The following PTBP2 variants were observed in gnomAD, a reference collection of about 807,000 sequenced individuals.
The protein encoded by PTBP2 is polypyrimidine tract binding protein 2.
Under a neutral mutation model 61.4 loss-of-function variants are expected in PTBP2, and 13 were observed. The observed-to-expected ratio is 0.21, with a 90% CI of 0.14 to 0.34. PTBP2 has a LOEUF of 0.34. PTBP2 is among the 10% of genes least tolerant of loss of function. The pLI is 1.00. For missense variants in PTBP2, 405 were observed against 642.6 expected (o/e 0.63, Z 4.00); for synonymous variants, 215 against 218.5 (o/e 0.98, Z 0.14).
At chr1:96,757,021 C>T (rs2100939912) in intron 3 of PTBP2, among the ~76,000 whole-genome samples, 1 of 152,246 alleles carries the variant, frequency 6.6e-6, no homozygotes, top group Middle Eastern at 3.4e-3. Context: ...CTATTTGGGG[C>T]AGGAGGCAGG....
chr1:96,759,942 G>A (rs567006630), intron 3 of PTBP2, among the ~76,000 whole-genome samples: 24 of 152,274 alleles, frequency 1.6e-4, no homozygotes, highest in Non-Finnish European at 3.2e-4. Context: ...CACATCTTAC[G>A]TAGATGGCAA....
chr1:96,796,635 T>C (rs887169344), intron 8 of PTBP2, among the ~76,000 whole-genome samples: 1 of 152,170 alleles, frequency 6.6e-6, no homozygotes, highest in Non-Finnish European at 1.5e-5. Flanking sequence ...TTCACTCTAG[T>C]ATTTGTCAAG....
intron 2 of PTBP2, among the ~76,000 whole-genome samples, chr1:96,746,512 A>G (rs1203473208): frequency 6.6e-6 from 1 of 151,796 alleles, no homozygotes; most frequent in Non-Finnish European, 1.5e-5. Flanking sequence ...GCTTGATAAA[A>G]TGTGAGCTTA....
intron 3 of PTBP2, among the ~76,000 whole-genome samples, chr1:96,766,415 A>T (rs1656705941): frequency 6.6e-6 from 1 of 152,198 alleles, no homozygotes; most frequent in Non-Finnish European, 1.5e-5. Flanking sequence ...TTCTGGGTTT[A>T]CTGGAGGAAT....
chr1:96,749,332 CA>C (rs1382679664), intron 2 of PTBP2, among the ~76,000 whole-genome samples: 1 of 152,004 alleles, frequency 6.6e-6, no homozygotes, highest in Non-Finnish European at 1.5e-5. Context: ...CACAAATAGT[CA>C]AACATCAGAA....
At position 96,721,809 on chromosome 1, in the gene PTBP2, T is replaced by G. The variant is rs1649586237; in HGVS notation, c.-56T>G. The G allele has an allele frequency of 6.4e-7, 1 of 1,551,638 alleles. No individual in the cohort carries two copies. Among genetic ancestry groups the G allele is most frequent in the South Asian group, 1.2e-5 (1 of 84,066 alleles). On this transcript the variant is annotated 5_prime_UTR_variant, in exon 1 of 14. Transcript: ENST00000674951. ...AGCCGCCATTTTCTCGCCGCTTGTG[T>G]GGCTCGCTGGCTGCGTGGCTCGGTT...
chr1:96,810,331 AG>A (rs1661947883), intron 11 of PTBP2, among the ~76,000 whole-genome samples: 1 of 152,192 alleles, frequency 6.6e-6, no homozygotes, highest in Non-Finnish European at 1.5e-5. Flanking sequence ...TTAGTAATTC[AG>A]GTAATTTCCT....
At chr1:96,747,347 A>G (rs1653973649) in intron 2 of PTBP2, among the ~76,000 whole-genome samples, 1 of 152,148 alleles carries the variant, frequency 6.6e-6, no homozygotes, top group African/African-American at 2.4e-5. Flanking sequence ...AGATTTTTGT[A>G]GTAGAATTTA....
At chr1:96,759,742 C>T (rs1655581841) in intron 3 of PTBP2, among the ~76,000 whole-genome samples, 1 of 152,162 alleles carries the variant, frequency 6.6e-6, no homozygotes, top group Non-Finnish European at 1.5e-5. Context: ...AGACAAGGCA[C>T]AGACTTGGAG....
intron 2 of PTBP2, among the ~76,000 whole-genome samples, chr1:96,727,887 T>C (rs904327054): frequency 7.2e-5 from 11 of 152,182 alleles, no homozygotes; most frequent in African/African-American, 2.7e-4. Context: ...GACTCCAGTT[T>C]ACCAATTTTT....
intron 3 of PTBP2, among the ~76,000 whole-genome samples, chr1:96,767,897 T>G (rs547132387): frequency 6.6e-6 from 1 of 152,194 alleles, no homozygotes; most frequent in Non-Finnish European, 1.5e-5. Context: ...CAGCCAAGAT[T>G]TTCAGGGCAA....
At chr1:96,735,091 T>C (rs761717526) in intron 2 of PTBP2, among the ~76,000 whole-genome samples, 5 of 151,796 alleles carry the variant, frequency 3.3e-5, no homozygotes, top group Admixed American at 6.6e-5. Context: ...CTAATTTTTG[T>C]GTTTTTAGTA....
At chr1:96,818,673 C>T (rs1185128504), downstream of PTBP2, 5 of 152,052 alleles carry the variant, frequency 3.3e-5, no homozygotes, top group East Asian at 9.6e-4. Flanking sequence ...GCACTCAATG[C>T]ATTTTTTCAG....
chr1:96,795,134 T>G (rs970472792), intron 8 of PTBP2, among the ~76,000 whole-genome samples: 1 of 152,210 alleles, frequency 6.6e-6, no homozygotes, highest in Non-Finnish European at 1.5e-5. Flanking sequence ...ATTCATCAAC[T>G]ATTTTTAGGC....
intron 8 of PTBP2, among the ~76,000 whole-genome samples, chr1:96,803,232 C>T (rs554979262): frequency 1.5e-3 from 221 of 151,790 alleles, no homozygotes; most frequent in Middle Eastern, 3.4e-3. Flanking sequence ...AAAATTGGAC[C>T]CTAATTTCTG....
intron 8 of PTBP2, among the ~76,000 whole-genome samples, chr1:96,786,746 A>G (rs934636694): frequency 2.2e-4 from 34 of 152,180 alleles, no homozygotes; most frequent in Non-Finnish European, 1.5e-5. Context: ...ATTCACATGC[A>G]ACTCATCAAA....
intron 5 of PTBP2, among the ~76,000 whole-genome samples, chr1:96,771,705 C>G (rs961407141): frequency 2.0e-5 from 3 of 151,914 alleles, no homozygotes; most frequent in African/African-American, 7.2e-5. Context: ...GCTCTTCTTT[C>G]TTTTTACTTA....
intron 3 of PTBP2, among the ~76,000 whole-genome samples, chr1:96,759,469 TC>T (rs1021291328): frequency 2.6e-5 from 4 of 152,130 alleles, no homozygotes; most frequent in Non-Finnish European, 5.9e-5. Context: ...AGAAGGCCTT[TC>T]AACAGATGTG....
At chr1:96,759,359 T>TA (rs1182146975) in intron 3 of PTBP2, among the ~76,000 whole-genome samples, 1 of 152,208 alleles carries the variant, frequency 6.6e-6, no homozygotes, top group African/African-American at 2.4e-5. Flanking sequence ...AACCTGTAGT[T>TA]AATCCAAAAC....
Sources: allele counts gnomAD v4.1 joint callset (sites outside exome capture counted in the v4.1 genomes callset), GRCh38; gene constraint gnomAD v4.1.1; transcripts MANE v1.5; gene names NCBI Gene and HGNC (gene_info 2026-07-23, HGNC 2026-07-21).